A2M: variants seen among roughly 807,000 people sequenced by gnomAD.
The protein encoded by A2M is C3 and PZP-like alpha-2-macroglobulin domain-containing protein 5.
Under a neutral mutation model 183.9 loss-of-function variants are expected in A2M, and 128 were observed. That is an observed-to-expected ratio of 0.70 (90% CI 0.60 to 0.81). A2M has a LOEUF of 0.81. Among genes scored for constraint, A2M ranks in the 30% least tolerant of loss-of-function variants. The pLI, the probability that A2M is intolerant of heterozygous loss-of-function variation, is 0.00. For missense variants in A2M, 1,495 were observed against 1,787.6 expected (o/e 0.84, Z 2.95); for synonymous variants, 592 against 670.8 (o/e 0.88, Z 1.81).
rs776839332 is a variant in A2M at position 9,109,352 on chromosome 12, C to T, written c.727G>A (p.Glu243Lys). 6.2e-7 allele frequency: 1 copy of T among 1,613,404 alleles called. No homozygotes were observed. Among genetic ancestry groups the T allele is most frequent in the South Asian group, 1.1e-5 (1 of 90,966 alleles). The change falls in exon 7 of 36, where the codon GAA becomes AAA. Residue 243 changes from glutamate to lysine, a missense_variant. Glu to Lys is a moderately conservative substitution (Grantham distance 56). Coordinates refer to ENST00000318602, the MANE Select transcript of A2M (RefSeq NM_000014.6). The part of the protein sequence containing the change: ...VTVPKIITIL[E>K]EEMNVSVCGL... ...CACACTGATACATTCATCTCTTCTT[C>T]CAAGATGGTGATTATCTTTGGCACT...
rs778584085 is a variant in A2M at position 9,072,239 on chromosome 12, A to C, written c.4103+120T>G. 5 of 1,163,560 alleles carry C rather than the reference A, an allele frequency of 4.3e-6. No homozygotes were observed. In the South Asian group the frequency reaches 4.4e-5, roughly 10 times the overall value. 72.1% of individuals were successfully genotyped at this position (1,163,560 alleles called of 1,614,324 possible). A position where few individuals can be genotyped will look rare whatever the true frequency, so the allele number is the denominator to read the frequency against. The stretch of plus-strand genomic sequence containing the variant: ...AAATTATATCAACTTAAGAGAATAC[A>C]TTGCATTTTTTGTGAATAGTGCAAA... On this transcript the variant is annotated intron_variant, in intron 31 of 35. Transcript: ENST00000318602.
At chr12:9,070,084 A>G (rs1948522002) in intron 32 of A2M, among the ~76,000 whole-genome samples, 1 of 152,212 alleles carries the variant, frequency 6.6e-6, no homozygotes, top group Admixed American at 6.5e-5. Context: ...TCAAAGTTCA[A>G]TTCAGTTTCT....
Position 9,098,306 on chromosome 12 carries a change from C to T in A2M, c.1851+301G>A, listed in dbSNP as rs138454489. On this transcript the variant is annotated intron_variant, in intron 15 of 35. Coordinates refer to ENST00000318602, the MANE Select transcript of A2M (RefSeq NM_000014.6). Reference sequence around the variant, plus strand: ...ATGTGCTCTTGAGCAAGAAGCTTAACGTGTCTGAATAACGAGTCCTTTTTT... The same window carrying T: ...ATGTGCTCTTGAGCAAGAAGCTTAATGTGTCTGAATAACGAGTCCTTTTTT... 2.8e-3 allele frequency: 451 copies of T among 162,286 alleles called. 2 individuals carry two copies. Among genetic ancestry groups the T allele is most frequent in the African/African-American group, 0.01 (422 of 41,834 alleles). The allele number at this position is 162,286 out of a possible 1,614,324, so 10.1% of individuals were successfully genotyped here. A position where few individuals can be genotyped will look rare whatever the true frequency, so the allele number is the denominator to read the frequency against.
At chr12:9,095,516 C>G (rs773624083) in intron 16 of A2M, 23 bp downstream of exon 16, 33 of 1,599,608 alleles carry the variant, frequency 2.1e-5, no homozygotes, top group Non-Finnish European at 2.7e-5. Flanking sequence ...AAGATCAGAC[C>G]ATCTGCAACA....
In A2M at chr12:9,074,480, T is replaced by C. The variant is rs1419427948; in HGVS notation, c.3756+80A>G. The C allele has an allele frequency of 2.7e-5, 37 of 1,349,396 alleles. No homozygotes were observed. The Admixed American group carries it at 5.2e-4, about 19-fold the overall frequency. 83.6% of individuals were successfully genotyped at this position (1,349,396 alleles called of 1,614,324 possible). A position where few individuals can be genotyped will look rare whatever the true frequency, so the allele number is the denominator to read the frequency against. On this transcript the variant is annotated intron_variant, in intron 29 of 35. Coordinates refer to ENST00000318602, the MANE Select transcript of A2M (RefSeq NM_000014.6). ...GTTACTGTCATCTGTATTTTTTTCT[T>C]CTTGGATGTGTTTGTTTCTTTTTCA...
intron 10 of A2M, among the ~76,000 whole-genome samples, chr12:9,105,788 C>T (rs189484211): frequency 1.3e-5 from 2 of 152,290 alleles, no homozygotes; most frequent in Admixed American, 6.5e-5. Context: ...ATTGTAGAAT[C>T]TTTAATACTT....
intron 29 of A2M, among the ~76,000 whole-genome samples, chr12:9,073,654 G>A (rs1805684): frequency 0.017 from 2,590 of 152,170 alleles, 76 homozygotes; most frequent in African/African-American, 0.059. Flanking sequence ...GCAAACATCC[G>A]AATTCTCTGA....
At chr12:9,092,276 C>T (rs1363150834) in intron 18 of A2M, among the ~76,000 whole-genome samples, 4 of 152,160 alleles carry the variant, frequency 2.6e-5, no homozygotes, top group Non-Finnish European at 5.9e-5. Context: ...GTTTACAGCT[C>T]GTACCTAAGG....
intron 35 of A2M, 143 bp downstream of exon 35, chr12:9,068,039 TA>T: frequency 9.4e-7 from 1 of 1,059,118 alleles, no homozygotes; most frequent in Non-Finnish European, 1.4e-6. Flanking sequence ...CCCTCTCCAA[TA>T]AATGTGTTTT....
At chr12:9,078,698 TA>T (rs1948820085) in intron 25 of A2M, among the ~76,000 whole-genome samples, 1 of 152,268 alleles carries the variant, frequency 6.6e-6, no homozygotes, top group Admixed American at 6.5e-5. Flanking sequence ...AGTAAGGCTT[TA>T]AATCTCTCTT....
chr12:9,093,430 A>G (rs1949269882), intron 18 of A2M, 35 bp downstream of exon 18: 2 of 1,400,308 alleles, frequency 1.4e-6, no homozygotes, highest in East Asian at 2.3e-5. Context: ...AGGGACCTCT[A>G]TTGTTGCATA....
intron 2 of A2M, 49 bp from the exon 3 acceptor site, chr12:9,112,585 C>G (rs1338163474): frequency 1.9e-6 from 3 of 1,605,410 alleles, no homozygotes; most frequent in Admixed American, 3.4e-5. Flanking sequence ...CCGCAGGTCT[C>G]CTCCCCTATT....
intron 19 of A2M, among the ~76,000 whole-genome samples, chr12:9,090,791 G>C (rs1400633143): frequency 6.6e-6 from 1 of 152,128 alleles, no homozygotes; most frequent in Non-Finnish European, 1.5e-5. Flanking sequence ...CGGATCTCCC[G>C]GCAGAGGATA....
chr12:9,116,081 A>T (rs1939098119), upstream of A2M: 3 of 514,880 alleles, frequency 5.8e-6, no homozygotes, highest in Admixed American at 2.6e-5. Flanking sequence ...GGCTAAATAG[A>T]ATCCCTGGAG....
intron 11 of A2M, among the ~76,000 whole-genome samples, chr12:9,103,469 A>T (rs767402080): frequency 3.9e-5 from 6 of 152,206 alleles, no homozygotes; most frequent in Non-Finnish European, 7.3e-5. Flanking sequence ...TCTTTAGTGT[A>T]CAGTTTGGTA....
At chr12:9,101,370 T>A in intron 12 of A2M, 77 bp downstream of exon 12, 1 of 1,377,040 alleles carries the variant, frequency 7.3e-7, no homozygotes, top group Non-Finnish European at 1.0e-6. Context: ...TAATGACATC[T>A]AAAGAGCTTC....
rs894232193 is a variant in A2M, at chr12:9,103,577, T to G, written c.1266+662A>C. ...AAGAGGAATTCCCCATTTCTCTCTT[T>G]CCCTAGCCCTTGGCAACCACCATCC... On this transcript the variant is annotated intron_variant, in intron 11 of 35. Coordinates refer to ENST00000318602, the MANE Select transcript of A2M (RefSeq NM_000014.6). Among the ~76,000 whole-genome samples, 5 of 152,320 alleles carry G rather than the reference T, an allele frequency of 3.3e-5. No individual in the cohort carries two copies. The East Asian group carries it at 9.7e-4, about 29-fold the overall frequency.
chr12:9,071,047 C>T (rs140795346), intron 31 of A2M, among the ~76,000 whole-genome samples: 121 of 151,966 alleles, frequency 8.0e-4, no homozygotes, highest in African/African-American at 2.7e-3. Flanking sequence ...CTTGAACTCC[C>T]GACCTAAGGT....
rs747389961 is a variant in A2M at position 9,072,775 on chromosome 12, T to A, written c.3853A>T (p.Thr1285Ser). Reference protein sequence around the residue: ...AAQVTIQSSGTFSSKFQVDNN... With the variant: ...AAQVTIQSSGSFSSKFQVDNN... The stretch of plus-strand genomic sequence containing the variant: ...TCCACTTGGAATTTGCTGGAAAATG[T>A]CCCTGAAGACTGGATAGTCACCTGT... The change falls in exon 30 of 36, where the codon ACA (threonine) becomes TCA (serine). Residue 1285 changes from threonine (T) to serine (S), a missense_variant. Coordinates refer to ENST00000318602, the MANE Select transcript of A2M (RefSeq NM_000014.6). 1.2e-6 allele frequency: 2 copies of A among 1,614,222 alleles called. No homozygotes were observed. Among genetic ancestry groups the A allele is most frequent in the Admixed American group, 3.3e-5 (2 of 60,030 alleles).
Sources: gnomAD v4.1 joint callset for allele counts (sites outside exome capture counted in the v4.1 genomes callset) on GRCh38, gnomAD v4.1.1 for gene constraint, MANE v1.5 for transcripts, NCBI Gene and HGNC (gene_info 2026-07-23, HGNC 2026-07-21) for gene names.